Variants in MMAA observed in about 807,000 individuals in gnomAD.
The protein encoded by MMAA is metabolism of cobalamin associated A.
Under a neutral mutation model 45.0 loss-of-function variants are expected in MMAA, and 41 were observed. The ratio of observed to expected loss-of-function variants is 0.91; its 90% confidence interval spans 0.71 to 1.18. The LOEUF is 1.18. Ranked by LOEUF, MMAA falls within the 50% of genes most tolerant of loss-of-function variation. The pLI, the probability that MMAA is intolerant of heterozygous loss-of-function variation, is 0.00. For synonymous variants in MMAA, 154 were observed against 178.2 expected (o/e 0.86, Z 1.08); for missense variants, 460 against 495.7 (o/e 0.93, Z 0.68).
chr4:145,628,633 A>T (rs1734253605), intron 1 of MMAA, among the ~76,000 whole-genome samples: 1 of 152,222 alleles, frequency 6.6e-6, no homozygotes, highest in Admixed American at 6.5e-5. Flanking sequence ...TTACCTTGTC[A>T]GCTGATTAGC....
At position 145,624,793 on chromosome 4, in the gene MMAA, A is replaced by G. The variant is rs866210474; in HGVS notation, c.-66+5386A>G. The G allele has an allele frequency of 1.7e-5, 28 of 1,606,176 alleles. No individual in the cohort carries two copies. The Middle Eastern group carries it at 1.2e-3, about 67-fold the overall frequency. On this transcript the variant is annotated intron_variant, in intron 1 of 6. Transcript: ENST00000649156. The stretch of plus-strand genomic sequence containing the variant: ...TACACGCACTCTGCAAAGCTTATGC[A>G]GGGCTCATTGGCTCTGCACACCTCC...
chr4:145,624,274 T>A, intron 1 of MMAA: 1 of 798,070 alleles, frequency 1.3e-6, no homozygotes, highest in Non-Finnish European at 2.3e-6. Context: ...GAAGTTATAT[T>A]CCTCCTGTAG....
intron 3 of MMAA, chr4:145,642,820 A>C (rs1727824287): frequency 9.1e-6 from 3 of 331,392 alleles, no homozygotes; most frequent in South Asian, 9.0e-5. Context: ...TCCTGGCTGC[A>C]TTAGCACCTG....
chr4:145,629,749 C>T (rs1015625004), intron 1 of MMAA, among the ~76,000 whole-genome samples: 1 of 152,124 alleles, frequency 6.6e-6, no homozygotes, highest in Non-Finnish European at 1.5e-5. Context: ...ACGTGGATGG[C>T]GGCAGGCAGA....
intron 1 of MMAA, among the ~76,000 whole-genome samples, chr4:145,630,574 CAA>C (rs1482185880): frequency 6.6e-6 from 1 of 152,056 alleles, no homozygotes; most frequent in Middle Eastern, 3.2e-3. Flanking sequence ...ACTAAAAAAA[CAA>C]AATTAGCCGG....
At chr4:145,644,890 A>G (rs1436852449) in intron 3 of MMAA, among the ~76,000 whole-genome samples, 2 of 152,252 alleles carry the variant, frequency 1.3e-5, no homozygotes, top group East Asian at 1.9e-4. Flanking sequence ...AGATGCCAGT[A>G]GCACCCTACC....
intron 5 of MMAA, among the ~76,000 whole-genome samples, chr4:145,651,523 TCTC>T (rs1728089991): frequency 6.6e-6 from 1 of 152,170 alleles, no homozygotes; most frequent in Admixed American, 6.5e-5. Context: ...AGATTCTTAC[TCTC>T]CTCTGCACCG....
intron 3 of MMAA, among the ~76,000 whole-genome samples, chr4:145,643,261 C>T (rs1478736780): frequency 1.3e-5 from 2 of 152,098 alleles, no homozygotes; most frequent in Admixed American, 1.3e-4. Context: ...ATTTGAGTGC[C>T]TACTATAGGT....
At chr4:145,625,376 C>G (rs1734179477) in intron 1 of MMAA, 1 of 700,984 alleles carries the variant, frequency 1.4e-6, no homozygotes, top group Non-Finnish European at 2.7e-6. Context: ...GGGGTTGGTG[C>G]TGGGTATGTA....
chr4:145,623,961 A>C (rs986734332), intron 1 of MMAA, among the ~76,000 whole-genome samples: 1 of 152,218 alleles, frequency 6.6e-6, no homozygotes, highest in Non-Finnish European at 1.5e-5. Context: ...TCAGCTCAGC[A>C]TCAATACACA....
intron 1 of MMAA, among the ~76,000 whole-genome samples, chr4:145,636,002 TCA>T (rs759054960): frequency 1.8e-3 from 275 of 152,362 alleles, no homozygotes; most frequent in Non-Finnish European, 3.1e-3. Flanking sequence ...CTCAGCTCTC[TCA>T]GTGTTCTTTC....
chr4:145,647,241 A>G (rs959801346), intron 4 of MMAA, among the ~76,000 whole-genome samples: 1 of 152,220 alleles, frequency 6.6e-6, no homozygotes, highest in Non-Finnish European at 1.5e-5. Context: ...GGAATTGCAG[A>G]TAATAGAGAA....
intron 1 of MMAA, among the ~76,000 whole-genome samples, chr4:145,620,379 G>A (rs1354214986): frequency 6.6e-6 from 1 of 152,192 alleles, no homozygotes; most frequent in Admixed American, 6.5e-5. Context: ...TATTTAGAAT[G>A]GAAAGAGCTG....
chr4:145,638,609 T>C (rs775019997), intron 1 of MMAA, among the ~76,000 whole-genome samples: 1 of 152,222 alleles, frequency 6.6e-6, no homozygotes, highest in Non-Finnish European at 1.5e-5. Context: ...TATCTAAACT[T>C]ACACCTGAAG....
intron 1 of MMAA, chr4:145,625,744 G>A (rs1031455689): frequency 1.0e-5 from 14 of 1,394,316 alleles, no homozygotes; most frequent in African/African-American, 1.4e-5. Flanking sequence ...CAATTGAACT[G>A]GCCTGATAAC....
chr4:145,654,567 C>G (rs1728175304), intron 6 of MMAA, among the ~76,000 whole-genome samples: 1 of 152,182 alleles, frequency 6.6e-6, no homozygotes, highest in African/African-American at 2.4e-5. Flanking sequence ...TCATCTTTAT[C>G]TGTAGACAGA....
intron 1 of MMAA, among the ~76,000 whole-genome samples, chr4:145,619,990 A>C (rs1165853651): frequency 6.6e-6 from 1 of 152,214 alleles, no homozygotes; most frequent in Admixed American, 6.5e-5. Flanking sequence ...AGAAAATGAA[A>C]GACGACCTAA....
chr4:145,625,752 A>G (rs1435245906), intron 1 of MMAA: 1 of 1,334,402 alleles, frequency 7.5e-7, no homozygotes, highest in African/African-American at 1.4e-5. Context: ...CTGGCCTGAT[A>G]ACCAGTAGAG....
In MMAA at chr4:145,647,236, T is replaced by G. The variant is rs78681503; in HGVS notation, c.733+1080T>G. ...TGTGAGATAAGGAAGGAAGGGGAATTGCAGATAATAGAGAATACTGTAGAA... is the reference window on the plus strand; with the variant it reads ...TGTGAGATAAGGAAGGAAGGGGAATGGCAGATAATAGAGAATACTGTAGAA... On this transcript the variant is annotated intron_variant, in intron 4 of 6. Coordinates refer to ENST00000649156, the MANE Select transcript of MMAA (RefSeq NM_172250.3). Among the ~76,000 whole-genome samples, 426 of 152,154 alleles carry G rather than the reference T, an allele frequency of 2.8e-3. 1 individual carries two copies. Among genetic ancestry groups the G allele is most frequent in the Middle Eastern group, 0.014 (4 of 294 alleles).
Sources: gnomAD v4.1 joint callset for allele counts (sites outside exome capture counted in the v4.1 genomes callset) on GRCh38, gnomAD v4.1.1 for gene constraint, MANE v1.5 for transcripts, NCBI Gene and HGNC (gene_info 2026-07-23, HGNC 2026-07-21) for gene names.